RANBP2: variants seen among roughly 807,000 people sequenced by gnomAD.
RANBP2 encodes the protein E3 SUMO-protein ligase RanBP2.
In RANBP2, 57 loss-of-function variants were observed where a neutral mutation model predicts 303.6. That is an observed-to-expected ratio of 0.19 (90% confidence interval 0.15 to 0.23). The LOEUF (loss-of-function observed/expected upper bound fraction) is 0.23. Ranked by LOEUF, RANBP2 falls within the 10% of genes least tolerant of loss-of-function variation. The pLI is 1.00. For synonymous variants in RANBP2, 1,167 were observed against 1,301.5 expected, an observed-to-expected ratio of 0.90 and a Z score of 2.23; for missense variants, 3,138 against 3,780.8, an observed-to-expected ratio of 0.83 and a Z score of 4.46.
rs372262830 is a variant in RANBP2 at position 108,736,212 on chromosome 2, A to G, written c.745A>G (p.Thr249Ala). ...YANLMLLTLS[T>A]RDVQESRELL... is the part of the protein sequence containing the mutation. ...TAATCTTATGCTTCTTACGCTTTCCACTAGAGATGTGCAGGAAAGTAGAGA... is the reference window on the plus strand; with the variant it reads ...TAATCTTATGCTTCTTACGCTTTCCGCTAGAGATGTGCAGGAAAGTAGAGA... The change falls in exon 6 of 29, where the codon ACT (threonine) becomes GCT (alanine). Residue 249 changes from threonine (T) to alanine (A), a missense_variant. By Grantham distance (58) the Thr-to-Ala change is moderately conservative. Around this residue, in one of 20 missense-constraint regions of RANBP2, gnomAD observed 306 missense variants for 381.9 expected, o/e 0.80. Transcript: ENST00000283195. 58 of 1,611,840 alleles carry G rather than the reference A, an allele frequency of 3.6e-5. No individual in the cohort carries two copies. Among genetic ancestry groups the G allele is most frequent in the South Asian group, 9.9e-5 (9 of 90,998 alleles).
chr2:109,328,636 G>C, the RANBP2 span, among the ~76,000 whole-genome samples: 1 of 152,180 alleles, frequency 6.6e-6, no homozygotes, highest in African/African-American at 2.4e-5. Flanking sequence ...CCTAGGTCAT[G>C]GTACTGATAT....
the RANBP2 span, among the ~76,000 whole-genome samples, chr2:109,217,798 C>T: frequency 6.6e-6 from 1 of 152,224 alleles, no homozygotes; most frequent in African/African-American, 2.4e-5. Context: ...GCTGGCCTGG[C>T]TGTGGTGCTG....
At chr2:109,225,772 G>A in the RANBP2 span, among the ~76,000 whole-genome samples, 11 of 152,134 alleles carry the variant, frequency 7.2e-5, no homozygotes, top group African/African-American at 1.2e-4. Flanking sequence ...GCTTTCTTTC[G>A]TTCTTAAAAT....
chr2:108,912,225 C>A, the RANBP2 span, among the ~76,000 whole-genome samples: 1 of 152,230 alleles, frequency 6.6e-6, no homozygotes, highest in African/African-American at 2.4e-5. Context: ...ACATATTAAA[C>A]TTTGGGGTCC....
At chr2:109,585,252 G>T in the RANBP2 span, 1 of 1,612,922 alleles carries the variant, frequency 6.2e-7, no homozygotes, top group Non-Finnish European at 8.5e-7. Flanking sequence ...AAAATGTGAG[G>T]ATTCATAGTC....
chr2:109,063,848 T>A, the RANBP2 span, among the ~76,000 whole-genome samples: 8 of 152,276 alleles, frequency 5.3e-5, 1 homozygote, highest in African/African-American at 1.7e-4. Flanking sequence ...CAAAGAGATT[T>A]TTTTCCCCTT....
chr2:109,352,718 A>G, the RANBP2 span, among the ~76,000 whole-genome samples: 1 of 152,080 alleles, frequency 6.6e-6, no homozygotes, highest in Non-Finnish European at 1.5e-5. Context: ...TTCTCCTCCT[A>G]GGCTCAGTGC....
At chr2:109,519,402 C>T in the RANBP2 span, among the ~76,000 whole-genome samples, 1 of 152,210 alleles carries the variant, frequency 6.6e-6, no homozygotes, top group Non-Finnish European at 1.5e-5. Context: ...ACGATCCAAA[C>T]CAAATCAAGT....
chr2:109,415,495 A>G, the RANBP2 span, among the ~76,000 whole-genome samples: 1 of 152,066 alleles, frequency 6.6e-6, no homozygotes, highest in Non-Finnish European at 1.5e-5. Context: ...TCCTACTAAC[A>G]GCCCCCTGAG....
chr2:108,921,983 T>C, the RANBP2 span, among the ~76,000 whole-genome samples: 1 of 152,008 alleles, frequency 6.6e-6, no homozygotes, highest in African/African-American at 2.4e-5. Context: ...GGGAGTGGGG[T>C]GCGCTCATCT....
At chr2:108,816,205 C>T in the RANBP2 span, 3 of 881,946 alleles carry the variant, frequency 3.4e-6, no homozygotes, top group Non-Finnish European at 3.5e-6. Context: ...AATCCCATCA[C>T]TTTGGGAGTT....
the RANBP2 span, among the ~76,000 whole-genome samples, chr2:109,298,754 A>G: frequency 6.6e-6 from 1 of 152,052 alleles, no homozygotes; most frequent in African/African-American, 2.4e-5. Context: ...TCCCTGATCT[A>G]ACCTTCTTCC....
chr2:108,971,109 A>G, the RANBP2 span, among the ~76,000 whole-genome samples: 1 of 152,140 alleles, frequency 6.6e-6, no homozygotes, highest in East Asian at 1.9e-4. Flanking sequence ...CCTCCGACTC[A>G]GTCCTGGTGC....
At chr2:109,648,362 CT>C in the RANBP2 span, among the ~76,000 whole-genome samples, 3 of 152,136 alleles carry the variant, frequency 2.0e-5, no homozygotes, top group East Asian at 1.9e-4. Flanking sequence ...CTGATTTACA[CT>C]TTTTTTTGAG....
At chr2:109,732,784 T>C in the RANBP2 span, 1 of 894,848 alleles carries the variant, frequency 1.1e-6, no homozygotes. Context: ...TGGAACAGAC[T>C]TTTGGCTACT....
the RANBP2 span, among the ~76,000 whole-genome samples, chr2:109,016,110 T>C: frequency 1.3e-5 from 2 of 151,484 alleles, no homozygotes; most frequent in Non-Finnish European, 3.0e-5. Context: ...GAGACGGAGT[T>C]TCGCTCTGTC....
At chr2:108,848,546 A>G in the RANBP2 span, among the ~76,000 whole-genome samples, 1 of 152,236 alleles carries the variant, frequency 6.6e-6, no homozygotes, top group Admixed American at 6.5e-5. Context: ...CTTCCTGCCT[A>G]TGAAGACGAA....
At chr2:109,358,398 C>G in the RANBP2 span, among the ~76,000 whole-genome samples, 1 of 152,206 alleles carries the variant, frequency 6.6e-6, no homozygotes, top group Admixed American at 6.5e-5. Flanking sequence ...GCTTTCAGCT[C>G]CTTTGGATAA....
chr2:109,721,337 G>C, the RANBP2 span, among the ~76,000 whole-genome samples: 1 of 152,190 alleles, frequency 6.6e-6, no homozygotes, highest in Non-Finnish European at 1.5e-5. Context: ...CTGCGCCACA[G>C]GCTGATGGAA....
Sources: allele counts gnomAD v4.1 joint callset (sites outside exome capture counted in the v4.1 genomes callset), GRCh38; gene constraint gnomAD v4.1.1; regional missense constraint gnomAD v4.1.1; transcripts MANE v1.5; gene names NCBI Gene and HGNC (gene_info 2026-07-23, HGNC 2026-07-21).